The following GPC5 variants were observed in gnomAD, a reference collection of about 807,000 sequenced individuals.
GPC5 encodes the protein glypican 5, also known as glypican-5.
GPC5 carries 47 observed loss-of-function variants against 53.9 expected under a neutral mutation model. The observed-to-expected ratio is 0.87, with a 90% CI of 0.69 to 1.11. GPC5 has a LOEUF of 1.11. GPC5 is among the 50% of genes most tolerant of loss of function. The pLI is 0.00. For synonymous variants in GPC5, 286 were observed against 263.3 expected, an observed-to-expected ratio of 1.09 and a Z score of -0.84; for missense variants, 748 against 713.1, an observed-to-expected ratio of 1.05 and a Z score of -0.56.
chr13:91,508,021 TTGAA>T (rs1314818861), intron 2 of GPC5, among the ~76,000 whole-genome samples: 1 of 152,144 alleles, frequency 6.6e-6, no homozygotes, highest in African/African-American at 2.4e-5. Context: ...TGTCTTGACT[TTGAA>T]TGAGAGATGT....
At chr13:92,861,550 C>A (rs1187724939) in intron 7 of GPC5, among the ~76,000 whole-genome samples, 1 of 152,096 alleles carries the variant, frequency 6.6e-6, no homozygotes, top group Non-Finnish European at 1.5e-5. Flanking sequence ...TTCACCATTT[C>A]TCTACAGGAA....
chr13:91,413,020 G>A (rs1877922814), intron 1 of GPC5, among the ~76,000 whole-genome samples: 1 of 152,176 alleles, frequency 6.6e-6, no homozygotes, highest in Non-Finnish European at 1.5e-5. Context: ...GGTGGCTCAC[G>A]CCTGTAATCT....
At chr13:92,467,967 G>A (rs551451950) in intron 7 of GPC5, among the ~76,000 whole-genome samples, 83 of 152,206 alleles carry the variant, frequency 5.5e-4, no homozygotes, top group Middle Eastern at 3.4e-3. Context: ...ACAAGTTCCT[G>A]GACCAACGAA....
intron 6 of GPC5, among the ~76,000 whole-genome samples, chr13:92,110,505 C>T (rs904351101): frequency 4.0e-5 from 6 of 150,812 alleles, no homozygotes; most frequent in Non-Finnish European, 8.9e-5. Context: ...ACTAGAAATG[C>T]ATAAGTAAAA....
At chr13:92,297,347 A>C (rs1268007636) in intron 7 of GPC5, among the ~76,000 whole-genome samples, 2 of 149,762 alleles carry the variant, frequency 1.3e-5, no homozygotes, top group African/African-American at 4.9e-5. Flanking sequence ...TAAACACACC[A>C]ATCAGCACCC....
intron 5 of GPC5, among the ~76,000 whole-genome samples, chr13:91,830,824 AAT>A (rs1555289390): frequency 7.3e-6 from 1 of 137,074 alleles, no homozygotes; most frequent in South Asian, 2.2e-4. Context: ...TATTATATAT[AAT>A]ATATATCCTA....
intron 2 of GPC5, among the ~76,000 whole-genome samples, chr13:91,548,675 G>T (rs1022002550): frequency 7.2e-5 from 11 of 152,172 alleles, no homozygotes; most frequent in Non-Finnish European, 1.5e-4. Flanking sequence ...GAACGAAGTT[G>T]GAGGACTGAC....
At chr13:91,793,862 A>T (rs1413014530) in intron 5 of GPC5, among the ~76,000 whole-genome samples, 1 of 152,100 alleles carries the variant, frequency 6.6e-6, no homozygotes, top group African/African-American at 2.4e-5. Context: ...AGTATGGGGG[A>T]AACCACCCCC....
chr13:92,464,102 A>G (rs1051943556), intron 7 of GPC5, among the ~76,000 whole-genome samples: 4 of 152,188 alleles, frequency 2.6e-5, no homozygotes, highest in African/African-American at 4.8e-5. Context: ...AATGAGACTT[A>G]AGAAGGTTAA....
intron 7 of GPC5, among the ~76,000 whole-genome samples, chr13:92,336,119 T>A (rs2043321394): frequency 6.6e-6 from 1 of 152,186 alleles, no homozygotes; most frequent in Non-Finnish European, 1.5e-5. Flanking sequence ...TTTATACATC[T>A]GAGCTAGAGA....
intron 2 of GPC5, among the ~76,000 whole-genome samples, chr13:91,554,615 G>T (rs943407441): frequency 1.3e-5 from 2 of 152,060 alleles, no homozygotes; most frequent in African/African-American, 4.8e-5. Flanking sequence ...AAAAGCTATT[G>T]TTCTTTCATC....
chr13:92,508,241 C>A (rs925518569), intron 7 of GPC5, among the ~76,000 whole-genome samples: 1 of 152,144 alleles, frequency 6.6e-6, no homozygotes, highest in African/African-American at 2.4e-5. Flanking sequence ...GGATACCAGG[C>A]GTGAGCCACT....
At chr13:92,511,477 T>C (rs1403939244) in intron 7 of GPC5, among the ~76,000 whole-genome samples, 1 of 152,242 alleles carries the variant, frequency 6.6e-6, no homozygotes, top group Non-Finnish European at 1.5e-5. Context: ...TCTGGGGATC[T>C]CCTTTGCTAG....
rs58369530 is a variant in GPC5, at chr13:92,325,067, C to G, written c.1561+180078C>G. ...ACAAAGGAAGATTCCAAATGGAAGT[C>G]AATCTGAAGGAGAGAACATACCTTT... On this transcript the variant is annotated intron_variant, in intron 7 of 7. Transcript: ENST00000377067. Among the ~76,000 whole-genome samples the G allele has an allele frequency of 3.7e-3, 559 of 151,226 alleles. 4 individuals are homozygous for G. The highest frequency in any genetic ancestry group is 0.013 in the African/African-American group (529 of 41,258).
intron 7 of GPC5, among the ~76,000 whole-genome samples, chr13:92,641,946 G>A (rs1460149653): frequency 6.7e-6 from 1 of 149,568 alleles, no homozygotes; most frequent in East Asian, 1.9e-4. Flanking sequence ...ATAGACAGCT[G>A]AAATTATTCT....
At chr13:92,331,361 G>C (rs1328827662) in intron 7 of GPC5, among the ~76,000 whole-genome samples, 2 of 151,952 alleles carry the variant, frequency 1.3e-5, no homozygotes, top group Non-Finnish European at 2.9e-5. Context: ...CTCTCATCTG[G>C]GTCTTCTCTT....
chr13:92,857,208 G>A (rs1879029109), intron 7 of GPC5, among the ~76,000 whole-genome samples: 1 of 152,094 alleles, frequency 6.6e-6, no homozygotes, highest in Non-Finnish European at 1.5e-5. Context: ...ACAAACATAA[G>A]CAATGGGGAA....
At chr13:91,709,085 C>A (rs2036171858) in intron 3 of GPC5, among the ~76,000 whole-genome samples, 1 of 152,100 alleles carries the variant, frequency 6.6e-6, no homozygotes, top group Non-Finnish European at 1.5e-5. Context: ...TTCGAATATT[C>A]AAGTAATGTA....
At chr13:92,207,201 T>C (rs1342788196) in intron 7 of GPC5, among the ~76,000 whole-genome samples, 22 of 152,162 alleles carry the variant, frequency 1.4e-4, no homozygotes, top group Non-Finnish European at 2.4e-4. Context: ...TCCTTTCCCA[T>C]TCATATAGGT....
Sources: allele counts gnomAD v4.1 joint callset (sites outside exome capture counted in the v4.1 genomes callset), GRCh38; gene constraint gnomAD v4.1.1; transcripts MANE v1.5; gene names NCBI Gene and HGNC (gene_info 2026-07-23, HGNC 2026-07-21).